PPP2R5C: variants seen among roughly 807,000 people sequenced by gnomAD.
PPP2R5C encodes serine/threonine-protein phosphatase 2A 56 kDa regulatory subunit gamma isoform.
In PPP2R5C, 7 loss-of-function variants were observed where a neutral mutation model predicts 68.9. The observed-to-expected ratio is 0.10, with a 90% CI of 0.06 to 0.19. PPP2R5C has a LOEUF of 0.19. Among genes scored for constraint, PPP2R5C ranks in the 10% least tolerant of loss-of-function variants. PPP2R5C has a pLI of 1.00. For missense variants in PPP2R5C, 348 were observed against 641.3 expected (o/e 0.54, Z 4.94); for synonymous variants, 210 against 222.2 (o/e 0.95, Z 0.49).
Position 101,889,712 on chromosome 14 carries a change from G to A in PPP2R5C, c.630-525G>A, listed in dbSNP as rs982894839. 7 of 303,878 alleles carry A rather than the reference G, an allele frequency of 2.3e-5. No individual in the cohort carries two copies. The Admixed American group carries it at 3.4e-4, about 15-fold the overall frequency. 18.8% of individuals were successfully genotyped at this position (303,878 alleles called of 1,614,324 possible). On this transcript the variant is annotated intron_variant, in intron 5 of 13. Transcript: ENST00000334743. ...TGAGACAGCACGGAGGATGCGTGTG[G>A]GTGTCAGTGGGGAACTGGGCAGGTA...
At chr14:101,782,157 T>A (rs1381400954) in intron 2 of PPP2R5C, among the ~76,000 whole-genome samples, 1 of 36,936 alleles carries the variant, frequency 2.7e-5, no homozygotes, top group Non-Finnish European at 5.0e-5. Flanking sequence ...CTCTCTCCCC[T>A]CTCTCTTTTT....
chr14:101,768,705 A>G lies in PPP2R5C; in HGVS notation c.93+5735A>G, dbSNP rs1464817754. On this transcript the variant is annotated intron_variant, in intron 2 of 14. Coordinates refer to the PPP2R5C transcript ENST00000328724. ...ATCACATCTTCATGTTATCATAAAA[A>G]CCGTTTTGACCTTGTGGACCCCTGA... Among the ~76,000 whole-genome samples the G allele has an allele frequency of 2.0e-5, 3 of 151,870 alleles. No individual in the cohort carries two copies. The East Asian group carries it at 5.8e-4, about 29-fold the overall frequency.
In PPP2R5C at chr14:101,917,723, G is replaced by C. The variant is rs758394726; in HGVS notation, c.1327-108G>C. 6.7e-7 allele frequency: 1 copy of C among 1,501,062 alleles called. No homozygotes were observed. Among genetic ancestry groups the C allele is most frequent in the Non-Finnish European group, 9.0e-7 (1 of 1,109,894 alleles). The allele number at this position is 1,501,062 out of a possible 1,614,324, so 93.0% of individuals were successfully genotyped here. A position where few individuals can be genotyped will look rare whatever the true frequency, so the allele number is the denominator to read the frequency against. On this transcript the variant is annotated intron_variant, in intron 12 of 13. Transcript: ENST00000334743. The surrounding 1 kb of genome is among the most constrained non-coding windows in gnomAD (Gnocchi z 4.4). ...CTCCCACTGAGTGGGCTTCCTGCGGGAGAGGGCCCTGGGGGGCGGCAGGGG... is the reference window on the plus strand; with the variant it reads ...CTCCCACTGAGTGGGCTTCCTGCGGCAGAGGGCCCTGGGGGGCGGCAGGGG...
At chr14:101,787,348 G>A (rs926844499) in intron 3 of PPP2R5C, among the ~76,000 whole-genome samples, 1 of 151,884 alleles carries the variant, frequency 6.6e-6, no homozygotes, top group Non-Finnish European at 1.5e-5. Flanking sequence ...GCAGATAGCA[G>A]ATTTGCCAGG....
chr14:101,886,561 G>A (rs1170960536), intron 5 of PPP2R5C, among the ~76,000 whole-genome samples: 1 of 151,942 alleles, frequency 6.6e-6, no homozygotes, highest in African/African-American at 2.4e-5. Context: ...TTCTGTAATT[G>A]TCCTGATACG....
At chr14:101,816,574 A>G (rs1013225487) in intron 1 of PPP2R5C, among the ~76,000 whole-genome samples, 2 of 152,094 alleles carry the variant, frequency 1.3e-5, no homozygotes, top group African/African-American at 2.4e-5. Context: ...GGAGTGCAGA[A>G]TGATGTTGGA....
intron 6 of PPP2R5C, among the ~76,000 whole-genome samples, chr14:101,890,512 G>C (rs2044799180): frequency 2.0e-5 from 3 of 152,166 alleles, no homozygotes; most frequent in Non-Finnish European, 4.4e-5. Context: ...TCTGTACGTA[G>C]ATTCTACTTC....
Position 101,899,089 on chromosome 14 carries a change from T to C in PPP2R5C, c.853-2630T>C, listed in dbSNP as rs1341718999. On this transcript the variant is annotated intron_variant, in intron 8 of 13. Coordinates refer to ENST00000334743, the Ensembl canonical transcript of PPP2R5C. This position sits in a 1 kb window ranked among gnomAD's most constrained non-coding sequence, Gnocchi z 4.2. ...CATGTGTTGCCCCATTTGTAGCCTG[T>C]AATTAGTATTTTTCATTTGCTAATT... is the stretch of plus-strand genomic sequence containing the variant. 1.3e-5 allele frequency among the ~76,000 whole-genome samples: 2 copies of C among 152,252 alleles called. No individual in the cohort carries two copies. The highest frequency in any genetic ancestry group is 4.8e-5 in the African/African-American group (2 of 41,468).
At chr14:101,867,511 C>T (rs1356285637) in intron 2 of PPP2R5C, among the ~76,000 whole-genome samples, 1 of 152,202 alleles carries the variant, frequency 6.6e-6, no homozygotes, top group Non-Finnish European at 1.5e-5. Context: ...GGCGCGGTAG[C>T]TCATGCCTGT....
rs115626046 is a variant in PPP2R5C at position 101,821,567 on chromosome 14, A to G, written c.94+11531A>G. 4.0e-5 allele frequency among the ~76,000 whole-genome samples: 6 copies of G among 151,516 alleles called. No homozygotes were observed. The East Asian group carries it at 5.8e-4, about 15-fold the overall frequency. ...TGTTTCATTTCTTTAAAAAATTGAC[A>G]TGAGAGCAGTTTTAGTAACAAAAAC... On this transcript the variant is annotated intron_variant, in intron 1 of 13. Coordinates refer to ENST00000334743, the Ensembl canonical transcript of PPP2R5C.
rs187559984 is a variant in PPP2R5C, at chr14:101,886,160, A to G, written c.629+2598A>G. On this transcript the variant is annotated intron_variant, in intron 5 of 13. Transcript: ENST00000334743. ...GCCGGGCGTGGTGGCGGGCACCTGT[A>G]GTCCCAGCTACTCGGGAGGCTGAGG... Among the ~76,000 whole-genome samples the G allele has an allele frequency of 7.3e-3, 1,105 of 152,242 alleles. 18 individuals are homozygous for G. Among genetic ancestry groups the G allele is most frequent in the African/African-American group, 0.025 (1,058 of 41,552 alleles).
chr14:101,848,715 A>C (rs997441954), intron 1 of PPP2R5C, among the ~76,000 whole-genome samples: 1 of 152,156 alleles, frequency 6.6e-6, no homozygotes, highest in Non-Finnish European at 1.5e-5. Flanking sequence ...GCCCAGGGAC[A>C]CCCCGATTGG....
At chr14:101,898,269 C>T (rs983353758) in intron 8 of PPP2R5C, among the ~76,000 whole-genome samples, 3 of 151,978 alleles carry the variant, frequency 2.0e-5, no homozygotes, top group African/African-American at 7.3e-5. Context: ...TTTCTCATAT[C>T]CTGTAGTGGC....
At chr14:101,919,613 C>A (rs948295228) in intron 13 of PPP2R5C, among the ~76,000 whole-genome samples, 3 of 152,294 alleles carry the variant, frequency 2.0e-5, no homozygotes, top group South Asian at 2.1e-4. Flanking sequence ...TGTGAGGGAA[C>A]CTGCCTGGGA....
chr14:101,918,292 C>T (rs893848575), intron 13 of PPP2R5C, among the ~76,000 whole-genome samples: 2 of 151,596 alleles, frequency 1.3e-5, no homozygotes, highest in Non-Finnish European at 2.9e-5. Context: ...CTGGCTTCTG[C>T]TTCGACCCAG....
intron 7 of PPP2R5C, 79 bp from the exon 10 acceptor site, chr14:101,894,428 G>GT (rs1176888347): frequency 4.3e-6 from 6 of 1,394,316 alleles, no homozygotes; most frequent in Non-Finnish European, 6.1e-6. Context: ...GTGGGAAGGT[G>GT]TTTAACGATG....
rs926198598 is a variant in PPP2R5C at position 101,781,808 on chromosome 14, C to T, written c.94-4210C>T. Among the ~76,000 whole-genome samples, 4 of 152,010 alleles carry T rather than the reference C, an allele frequency of 2.6e-5. No homozygotes were observed. Among genetic ancestry groups the T allele is most frequent in the East Asian group, 3.9e-4 (2 of 5,106 alleles). On this transcript the variant is annotated intron_variant, in intron 2 of 14. Coordinates refer to the PPP2R5C transcript ENST00000328724. This position sits in a 1 kb window ranked among gnomAD's most constrained non-coding sequence, Gnocchi z 6.4. ...CTTGGCCGCCCGCGAACCGCGCTCT[C>T]CCGTTTCCTTTCCGTCCCGTCTCGG...
chr14:101,762,850 T>C (rs2036625506), intron 1 of PPP2R5C, 55 bp from the exon 2 acceptor site: 1 of 1,430,946 alleles, frequency 7.0e-7, no homozygotes, highest in African/African-American at 1.4e-5. Context: ...GCTTATCTGA[T>C]GTTTACCTGT....
rs1021444810 is a variant in PPP2R5C, at chr14:101,773,821, A to C, written c.93+10851A>C. Among the ~76,000 whole-genome samples the C allele has an allele frequency of 1.1e-3, 170 of 152,262 alleles. 1 individual carries two copies. Among genetic ancestry groups the C allele is most frequent in the African/African-American group, 4.0e-3 (165 of 41,538 alleles). ...GCAATCCTCCCTCCTCAGCCTCCCA[A>C]GTGGCTGAGATACAGGTGCACACCA... is the stretch of plus-strand genomic sequence containing the variant. On this transcript the variant is annotated intron_variant, in intron 2 of 14. Coordinates refer to the PPP2R5C transcript ENST00000328724.
Sources: gnomAD v4.1 joint callset for allele counts (sites outside exome capture counted in the v4.1 genomes callset) on GRCh38, gnomAD v4.1.1 for gene constraint, Gnocchi (gnomAD v3.1) non-coding constraint, MANE v1.5 for transcripts, NCBI Gene and HGNC (gene_info 2026-07-23, HGNC 2026-07-21) for gene names.